CCDC102B: variants seen among roughly 807,000 people sequenced by gnomAD.
CCDC102B encodes the protein coiled-coil domain containing 102B.
Under a neutral mutation model 57.4 loss-of-function variants are expected in CCDC102B, and 75 were observed. The observed-to-expected ratio is 1.31, with a 90% CI of 1.08 to 1.58. The LOEUF is 1.58. CCDC102B is among the 40% of genes most tolerant of loss of function. CCDC102B has a pLI of 0.00. For missense variants in CCDC102B, 636 were observed against 582.6 expected (o/e 1.09, Z -0.94); for synonymous variants, 206 against 201.9 (o/e 1.02, Z -0.17).
At chr18:68,803,512 A>G (rs1016564881) in intron 1 of CCDC102B, among the ~76,000 whole-genome samples, 23 of 152,320 alleles carry the variant, frequency 1.5e-4, no homozygotes, top group Admixed American at 5.2e-4. Flanking sequence ...AACCACGAGG[A>G]ATCTTGGCAG....
chr18:68,995,790 G>A (rs886546933), intron 6 of CCDC102B, among the ~76,000 whole-genome samples: 1 of 152,152 alleles, frequency 6.6e-6, no homozygotes, highest in Non-Finnish European at 1.5e-5. Context: ...GTGGAGCTGT[G>A]AGAAGAGGGC....
chr18:68,973,413 A>C (rs965688606), intron 6 of CCDC102B, among the ~76,000 whole-genome samples: 23 of 152,140 alleles, frequency 1.5e-4, no homozygotes, highest in Non-Finnish European at 2.8e-4. Flanking sequence ...TAGCTTACTG[A>C]GTTTAACCCA....
At chr18:69,011,216 A>G (rs930164) in intron 7 of CCDC102B, 112 bp downstream of exon 7, 870,390 of 927,520 alleles carry the variant, frequency 0.94, 412,778 homozygotes, top group Non-Finnish European at 0.98. Context: ...ATAAATATTC[A>G]TATCTTAATG....
At chr18:68,883,719 C>T (rs140496886) in intron 5 of CCDC102B, among the ~76,000 whole-genome samples, 19 of 152,292 alleles carry the variant, frequency 1.2e-4, no homozygotes, top group African/African-American at 4.1e-4. Flanking sequence ...AACAGGGAAA[C>T]TCTTAATATG....
At chr18:68,962,459 CAT>C (rs2050069246) in intron 6 of CCDC102B, among the ~76,000 whole-genome samples, 1 of 151,936 alleles carries the variant, frequency 6.6e-6, no homozygotes, top group African/African-American at 2.4e-5. Context: ...ATACTCAAAA[CAT>C]ATTATTATTG....
At chr18:68,878,167 G>A (rs988772244) in intron 5 of CCDC102B, among the ~76,000 whole-genome samples, 3 of 152,080 alleles carry the variant, frequency 2.0e-5, no homozygotes, top group Non-Finnish European at 2.9e-5. Flanking sequence ...CACAATCTCG[G>A]CTCACTGCAA....
chr18:68,812,872 A>T (rs2036321291), intron 1 of CCDC102B, among the ~76,000 whole-genome samples: 1 of 152,158 alleles, frequency 6.6e-6, no homozygotes, highest in African/African-American at 2.4e-5. Flanking sequence ...AAGCCCAGCT[A>T]GCCTGAGAAG....
At chr18:68,980,125 C>A (rs1454288445) in intron 6 of CCDC102B, among the ~76,000 whole-genome samples, 1 of 151,862 alleles carries the variant, frequency 6.6e-6, no homozygotes, top group Non-Finnish European at 1.5e-5. Flanking sequence ...TTCTTGCTTC[C>A]CGGTTGTATC....
chr18:68,819,659 A>G (rs918795039), intron 1 of CCDC102B, among the ~76,000 whole-genome samples: 16 of 152,024 alleles, frequency 1.1e-4, no homozygotes, highest in African/African-American at 3.9e-4. Context: ...AGGTTGATTT[A>G]TGCATAAATG....
chr18:68,866,647 A>C (rs1227151298), intron 4 of CCDC102B: 1 of 363,682 alleles, frequency 2.7e-6, no homozygotes, highest in Non-Finnish European at 5.4e-6. Context: ...TTCTGGAATA[A>C]GAACATAGAT....
chr18:68,759,760 A>G (rs957411140), intron 2 of CCDC102B, among the ~76,000 whole-genome samples: 1 of 152,114 alleles, frequency 6.6e-6, no homozygotes, highest in Admixed American at 6.6e-5. Context: ...CCAATACTCA[A>G]GATTTAGGGA....
chr18:68,988,695 T>C (rs191467129), intron 6 of CCDC102B, among the ~76,000 whole-genome samples: 101 of 152,258 alleles, frequency 6.6e-4, no homozygotes, highest in Non-Finnish European at 1.0e-3. Flanking sequence ...GTCATTCAAA[T>C]CTATTTTGAG....
chr18:68,850,643 C>T (rs980669783), intron 4 of CCDC102B, among the ~76,000 whole-genome samples: 1 of 151,988 alleles, frequency 6.6e-6, no homozygotes, highest in Non-Finnish European at 1.5e-5. Flanking sequence ...AGGTTTTCTC[C>T]TTGTACCATT....
chr18:68,997,150 C>T (rs1282154777), intron 6 of CCDC102B, among the ~76,000 whole-genome samples: 1 of 152,116 alleles, frequency 6.6e-6, no homozygotes, highest in African/African-American at 2.4e-5. Context: ...CTTAGGCCTC[C>T]CCAGCCATGC....
At chr18:68,803,818 G>C (rs1351442566) in intron 1 of CCDC102B, among the ~76,000 whole-genome samples, 1 of 149,880 alleles carries the variant, frequency 6.7e-6, no homozygotes, top group Non-Finnish European at 1.5e-5. Flanking sequence ...GGAGCCTCAG[G>C]TCGGGAAATC....
chr18:68,747,283 A>G (rs975111675), intron 2 of CCDC102B, among the ~76,000 whole-genome samples: 1 of 151,790 alleles, frequency 6.6e-6, no homozygotes, highest in African/African-American at 2.4e-5. Flanking sequence ...CTCTACTTCT[A>G]TGAGATATTT....
chr18:68,949,619 C>A (rs1184502778), intron 6 of CCDC102B, among the ~76,000 whole-genome samples: 1 of 152,052 alleles, frequency 6.6e-6, no homozygotes, highest in Non-Finnish European at 1.5e-5. Context: ...CTTTCTGCCT[C>A]TGCTATAATG....
At chr18:68,988,513 C>G (rs372054215) in intron 6 of CCDC102B, among the ~76,000 whole-genome samples, 1 of 150,972 alleles carries the variant, frequency 6.6e-6, no homozygotes, top group African/African-American at 2.5e-5. Flanking sequence ...ATGTAATAAA[C>G]CCACACATGT....
chr18:68,889,581 G>A (rs1455368964), intron 5 of CCDC102B, among the ~76,000 whole-genome samples: 6 of 151,900 alleles, frequency 3.9e-5, no homozygotes, highest in African/African-American at 9.7e-5. Flanking sequence ...CACCACACCC[G>A]GCTAATTTTT....
Sources: gnomAD v4.1 joint callset for allele counts (sites outside exome capture counted in the v4.1 genomes callset) on GRCh38, gnomAD v4.1.1 for gene constraint, MANE v1.5 for transcripts, NCBI Gene and HGNC (gene_info 2026-07-23, HGNC 2026-07-21) for gene names.